SLX9: variants seen among roughly 807,000 people sequenced by gnomAD.
SLX9 encodes the protein ribosome biogenesis protein SLX9 homolog.
SLX9 carries 19 observed loss-of-function variants against 20.8 expected under a neutral mutation model. The observed-to-expected ratio is 0.91, with a 90% CI of 0.64 to 1.34. The LOEUF (loss-of-function observed/expected upper bound fraction) is 1.34, where lower values mean the gene tolerates loss of function less well. SLX9 is among the 40% of genes most tolerant of loss of function. SLX9 has a pLI of 0.00. For missense variants in SLX9, 299 were observed against 322.2 expected, an observed-to-expected ratio of 0.93 and a Z score of 0.55; for synonymous variants, 113 against 137.1, an observed-to-expected ratio of 0.82 and a Z score of 1.23.
intron 3 of SLX9, among the ~76,000 whole-genome samples, chr21:44,966,761 C>A (rs1232058397): frequency 6.6e-6 from 1 of 152,252 alleles, no homozygotes; most frequent in Non-Finnish European, 1.5e-5. Flanking sequence ...GCCACAGTTG[C>A]CAGCGTCCCT....
chr21:44,976,485 T>C (rs921455773), intron 5 of SLX9, among the ~76,000 whole-genome samples, 195 bp from the exon 6 acceptor site: 1 of 152,222 alleles, frequency 6.6e-6, no homozygotes, highest in Non-Finnish European at 1.5e-5. Context: ...GCCAGGGCTC[T>C]GGGATGCACG....
intron 2 of SLX9, chr21:44,958,524 G>A (rs9979028): frequency 0.17 from 26,279 of 152,294 alleles, 2,404 homozygotes; most frequent in Non-Finnish European, 0.2. Flanking sequence ...TTGGGCCTGC[G>A]GGGGAGAGGG....
At chr21:44,974,546 T>A (rs1222798780) in intron 5 of SLX9, among the ~76,000 whole-genome samples, 1 of 152,188 alleles carries the variant, frequency 6.6e-6, no homozygotes, top group Non-Finnish European at 1.5e-5. Context: ...TAAACTGTCT[T>A]TTTTAGTTTT....
At chr21:44,956,418 C>T (rs2057219079) in intron 2 of SLX9, among the ~76,000 whole-genome samples, 1 of 152,138 alleles carries the variant, frequency 6.6e-6, no homozygotes, top group Admixed American at 6.5e-5. Flanking sequence ...AACGGCCTGT[C>T]CCACGATGCA....
intron 3 of SLX9, 114 bp downstream of exon 3, chr21:44,960,282 G>A (rs961505308): frequency 3.7e-5 from 36 of 983,196 alleles, no homozygotes; most frequent in Non-Finnish European, 5.1e-5. Context: ...TCCCCGAGGA[G>A]TGCCCAAGGG....
At chr21:44,951,942 G>T (rs1424511649) in intron 2 of SLX9, among the ~76,000 whole-genome samples, 1 of 131,850 alleles carries the variant, frequency 7.6e-6, no homozygotes, top group Non-Finnish European at 1.5e-5. Flanking sequence ...CTGCACCTGT[G>T]CCTGAGGATC....
At chr21:44,944,477 C>T (rs985552968) in intron 2 of SLX9, among the ~76,000 whole-genome samples, 5 of 152,110 alleles carry the variant, frequency 3.3e-5, no homozygotes, top group Non-Finnish European at 5.9e-5. Context: ...AGAGAGTTCC[C>T]GGCCACCATG....
At chr21:44,953,215 CCCTT>C (rs2084790992) in intron 2 of SLX9, among the ~76,000 whole-genome samples, 1 of 152,248 alleles carries the variant, frequency 6.6e-6, no homozygotes. Flanking sequence ...ACAGGGCTAT[CCCTT>C]CCTCTGTGGG....
At chr21:44,961,199 TTGA>T (rs2084944386) in intron 3 of SLX9, among the ~76,000 whole-genome samples, 2 of 152,220 alleles carry the variant, frequency 1.3e-5, no homozygotes, top group Non-Finnish European at 1.5e-5. Flanking sequence ...CTGTAATTCT[TTGA>T]TGATGTGTAA....
At chr21:44,956,642 T>G (rs1007604507) in intron 2 of SLX9, among the ~76,000 whole-genome samples, 1 of 152,160 alleles carries the variant, frequency 6.6e-6, no homozygotes, top group Non-Finnish European at 1.5e-5. Context: ...CTCATGCAGA[T>G]CTTTGTGGAG....
chr21:44,943,983 C>T lies in SLX9; in HGVS notation c.283+146C>T, dbSNP rs984002884. On this transcript the variant is annotated intron_variant, in intron 2 of 5. Transcript: ENST00000291634. ...GGATGCCCCTGGCTGTTTCTTGGGG[C>T]GATTCCCCAGAGTAGATTACAGCTG... is the stretch of plus-strand genomic sequence containing the variant. 33 of 1,187,554 alleles carry T rather than the reference C, an allele frequency of 2.8e-5. 1 individual carries two copies. In the Middle Eastern group the frequency reaches 1.2e-3, roughly 43 times the overall value. The allele number at this position is 1,187,554 out of a possible 1,614,324, so 73.6% of individuals were successfully genotyped here.
chr21:44,960,113 G>A lies in SLX9; in HGVS notation c.297G>A (p.Lys99=), dbSNP rs1400036973. ...CTCTTTCCTCAGGTGCAGAGGCCAA[G>A]ACCGTTTTGCCCAAGAAGGAGAAAA... ...VPSIRRGAEA[K]TVLPKKEKMK... The change falls in exon 3 of 6, where the codon AAG becomes AAA. Residue 99 remains lysine, a synonymous_variant. Coordinates refer to ENST00000291634, the MANE Select transcript of SLX9 (RefSeq NM_058190.4). 1.2e-6 allele frequency: 2 copies of A among 1,614,100 alleles called. No individual in the cohort carries two copies. Among genetic ancestry groups the A allele is most frequent in the East Asian group, 4.5e-5 (2 of 44,894 alleles).
intron 4 of SLX9, chr21:44,969,208 C>T (rs936645756): frequency 6.4e-6 from 3 of 469,912 alleles, no homozygotes; most frequent in Non-Finnish European, 1.3e-5. Flanking sequence ...CAGGCCCAGG[C>T]AGCTCCAGGC....
chr21:44,945,686 A>C lies in SLX9; in HGVS notation c.283+1849A>C, dbSNP rs112933311. Among the ~76,000 whole-genome samples the C allele has an allele frequency of 9.8e-3, 1,488 of 152,068 alleles. 35 individuals are homozygous for C. Among genetic ancestry groups the C allele is most frequent in the African/African-American group, 0.034 (1,396 of 41,434 alleles). On this transcript the variant is annotated intron_variant, in intron 2 of 5. Coordinates refer to ENST00000291634, the MANE Select transcript of SLX9 (RefSeq NM_058190.4). ...TGGCCTCTCCTTTGAGCCATGCTGGATCTTTGTTTTTGTTTGTTTGTTTTT... is the reference window on the plus strand; with the variant it reads ...TGGCCTCTCCTTTGAGCCATGCTGGCTCTTTGTTTTTGTTTGTTTGTTTTT...
intron 3 of SLX9, among the ~76,000 whole-genome samples, chr21:44,965,805 G>C (rs1432850253): frequency 6.6e-6 from 1 of 152,112 alleles, no homozygotes; most frequent in East Asian, 1.9e-4. Context: ...GCTTTTCCTG[G>C]CCTGGGTCTG....
At position 44,973,102 on chromosome 21, in the gene SLX9, C is replaced by T. The variant is rs530619541; in HGVS notation, c.501-95C>T. The T allele has an allele frequency of 2.2e-4, 304 of 1,395,324 alleles. 5 individuals carry two copies. The South Asian group carries it at 2.9e-3, about 13-fold the overall frequency. The allele number at this position is 1,395,324 out of a possible 1,614,324, so 86.4% of individuals were successfully genotyped here. Reference sequence around the variant, plus strand: ...GTTTGGTCACCTCTGGCCACCACGACGTCTGCTCTAAGAAGGGAGGAGCCA... The same window carrying T: ...GTTTGGTCACCTCTGGCCACCACGATGTCTGCTCTAAGAAGGGAGGAGCCA... On this transcript the variant is annotated intron_variant, in intron 4 of 5. Coordinates refer to ENST00000291634, the MANE Select transcript of SLX9 (RefSeq NM_058190.4).
At chr21:44,945,227 C>G (rs1041809868) in intron 2 of SLX9, among the ~76,000 whole-genome samples, 4 of 152,204 alleles carry the variant, frequency 2.6e-5, no homozygotes, top group Admixed American at 6.5e-5. Context: ...GTTTCCTGCT[C>G]CTTCTCTCCA....
At chr21:44,941,740 A>G (rs1167210261) in intron 1 of SLX9, among the ~76,000 whole-genome samples, 5 of 152,180 alleles carry the variant, frequency 3.3e-5, no homozygotes, top group African/African-American at 1.2e-4. Flanking sequence ...CCAGACTGCC[A>G]GGGATGCGAC....
intron 2 of SLX9, among the ~76,000 whole-genome samples, chr21:44,949,497 A>AC (rs1299905507): frequency 6.6e-6 from 1 of 151,748 alleles, no homozygotes; most frequent in African/African-American, 2.4e-5. Flanking sequence ...AGCTCCGCCT[A>AC]CCCCCCAGAA....
Sources: gnomAD v4.1 joint callset for allele counts (sites outside exome capture counted in the v4.1 genomes callset) on GRCh38, gnomAD v4.1.1 for gene constraint, MANE v1.5 for transcripts, NCBI Gene and HGNC (gene_info 2026-07-23, HGNC 2026-07-21) for gene names.